REC114: variants seen among roughly 807,000 people sequenced by gnomAD.
REC114 encodes REC114 meiotic recombination protein, also known as meiotic recombination protein REC114.
In REC114, 27 loss-of-function variants were observed where a neutral mutation model predicts 31.3. The ratio of observed to expected loss-of-function variants is 0.86; its 90% confidence interval spans 0.64 to 1.19. The LOEUF (loss-of-function observed/expected upper bound fraction) is 1.19. Ranked by LOEUF, REC114 falls within the 50% of genes most tolerant of loss-of-function variation. The pLI is 0.00. For synonymous variants in REC114, 134 were observed against 127.7 expected (o/e 1.05, Z -0.33); for missense variants, 344 against 326.9 (o/e 1.05, Z -0.40).
intron 1 of REC114, among the ~76,000 whole-genome samples, chr15:73,447,277 G>C (rs543664741): frequency 6.6e-6 from 1 of 152,316 alleles, no homozygotes; most frequent in African/African-American, 2.4e-5. Context: ...GAAGATCTGG[G>C]CTAGAGATGT....
chr15:73,496,351 CAAA>C (rs539098846), intron 2 of REC114, among the ~76,000 whole-genome samples: 64 of 20,504 alleles, frequency 3.1e-3, no homozygotes, highest in Non-Finnish European at 4.0e-3. Context: ...GACTCCTTCT[CAAA>C]AAAAAAAAAA....
chr15:73,469,575 G>A (rs539665909), intron 1 of REC114, among the ~76,000 whole-genome samples: 1 of 151,750 alleles, frequency 6.6e-6, no homozygotes, highest in African/African-American at 2.4e-5. Flanking sequence ...GACTACAGGC[G>A]TGTACCACCG....
At chr15:73,557,365 C>T (rs139110389) in intron 5 of REC114, among the ~76,000 whole-genome samples, 80 of 149,678 alleles carry the variant, frequency 5.3e-4, no homozygotes, top group African/African-American at 1.7e-3. Flanking sequence ...CCACTATGCC[C>T]GGCCACATTT....
chr15:73,534,979 AC>A (rs1894134837), intron 2 of REC114, among the ~76,000 whole-genome samples: 1 of 142,454 alleles, frequency 7.0e-6, no homozygotes, highest in African/African-American at 2.8e-5. Context: ...AAATTCACCA[AC>A]CCTTCATGCT....
intron 4 of REC114, among the ~76,000 whole-genome samples, chr15:73,555,057 T>C (rs772842347): frequency 1.3e-5 from 2 of 152,238 alleles, no homozygotes; most frequent in South Asian, 4.1e-4. Context: ...GTCTTTGTTC[T>C]TTCCTTCCTC....
rs565644991 is a variant in REC114, at chr15:73,540,335, T to A, written c.250-150T>A. 2.6e-5 allele frequency: 18 copies of A among 699,852 alleles called. No homozygotes were observed. In the African/African-American group the frequency reaches 2.6e-4, roughly 10 times the overall value. 43.4% of individuals were successfully genotyped at this position (699,852 alleles called of 1,614,324 possible). ...CATTGAGGACTTAGTATAAGGGTCA[T>A]CCTTGGCAACTGGTTTTATTGAGTC... On this transcript the variant is annotated intron_variant, in intron 2 of 5. Transcript: ENST00000331090.
intron 2 of REC114, among the ~76,000 whole-genome samples, chr15:73,513,608 T>A (rs1163211816): frequency 3.9e-5 from 6 of 151,922 alleles, no homozygotes; most frequent in Non-Finnish European, 5.9e-5. Context: ...GATGGTGATG[T>A]ACAGATGGGT....
chr15:73,557,537 T>A (rs1191021164), intron 5 of REC114, among the ~76,000 whole-genome samples: 1 of 152,206 alleles, frequency 6.6e-6, no homozygotes, highest in Admixed American at 6.5e-5. Flanking sequence ...AATTCATGTT[T>A]ATTTCTTTTA....
chr15:73,547,731 A>G (rs1172639994), intron 3 of REC114, among the ~76,000 whole-genome samples: 2 of 152,206 alleles, frequency 1.3e-5, no homozygotes, highest in African/African-American at 4.8e-5. Context: ...CATACACAGA[A>G]TGGGTATAAC....
Position 73,543,328 on chromosome 15 carries a change from G to GT in REC114, c.333+2767dup, listed in dbSNP as rs537828845. 4.9e-3 allele frequency among the ~76,000 whole-genome samples: 752 copies of GT among 152,056 alleles called. 3 individuals carry two copies. The highest frequency in any genetic ancestry group is 5.7e-3 in the Admixed American group (87 of 15,260). On this transcript the variant is annotated intron_variant, in intron 3 of 5. Transcript: ENST00000331090. ...AACCATTTGCCTGTTATTGTCAATG[G>GT]TTTTTTTGTTTGTTTGTTTTTGAGA...
intron 1 of REC114, among the ~76,000 whole-genome samples, chr15:73,459,457 C>G (rs971749006): frequency 3.9e-5 from 6 of 152,050 alleles, no homozygotes; most frequent in Non-Finnish European, 7.3e-5. Flanking sequence ...TTTTTGAGCT[C>G]CTGACCTCAG....
intron 5 of REC114, among the ~76,000 whole-genome samples, chr15:73,557,414 TA>T (rs767116205): frequency 0.043 from 4,818 of 113,144 alleles, 79 homozygotes; most frequent in African/African-American, 0.077. Flanking sequence ...ATCAGTAGTT[TA>T]AAAAAAAAAA....
chr15:73,507,264 G>A (rs1488280997), intron 2 of REC114, among the ~76,000 whole-genome samples: 1 of 152,292 alleles, frequency 6.6e-6, no homozygotes, highest in East Asian at 1.9e-4. Context: ...GCTTGCACAT[G>A]CATAGGGTAC....
chr15:73,462,710 C>T (rs565118129), intron 1 of REC114, among the ~76,000 whole-genome samples: 2 of 152,004 alleles, frequency 1.3e-5, no homozygotes, highest in African/African-American at 4.8e-5. Flanking sequence ...ACGGTGAAAC[C>T]GCATCTCCAC....
chr15:73,443,711 T>C (rs1233496550), intron 1 of REC114, among the ~76,000 whole-genome samples: 2 of 152,196 alleles, frequency 1.3e-5, no homozygotes, highest in Non-Finnish European at 2.9e-5. Context: ...TAGTGGAGGA[T>C]ATACTATTTA....
At chr15:73,459,125 A>G (rs1239523906) in intron 1 of REC114, among the ~76,000 whole-genome samples, 2 of 152,254 alleles carry the variant, frequency 1.3e-5, no homozygotes, top group Non-Finnish European at 2.9e-5. Context: ...TCTGCTAAGC[A>G]TCTGATCTCA....
intron 2 of REC114, among the ~76,000 whole-genome samples, chr15:73,518,604 C>T (rs557880041): frequency 2.0e-5 from 3 of 152,266 alleles, no homozygotes; most frequent in African/African-American, 7.2e-5. Context: ...ACCTGCTCAC[C>T]CCTGGAGGTG....
chr15:73,487,197 C>G (rs1413504763), intron 2 of REC114, among the ~76,000 whole-genome samples: 1 of 152,148 alleles, frequency 6.6e-6, no homozygotes, highest in African/African-American at 2.4e-5. Flanking sequence ...ACCATCAATT[C>G]CACCCCTGTT....
intron 1 of REC114, among the ~76,000 whole-genome samples, chr15:73,450,113 C>T (rs1892822943): frequency 6.6e-6 from 1 of 152,086 alleles, no homozygotes; most frequent in Admixed American, 6.6e-5. Flanking sequence ...AACATCATAA[C>T]GACAGGATCA....
Sources: allele counts gnomAD v4.1 joint callset (sites outside exome capture counted in the v4.1 genomes callset), GRCh38; gene constraint gnomAD v4.1.1; transcripts MANE v1.5; gene names NCBI Gene and HGNC (gene_info 2026-07-23, HGNC 2026-07-21).